Variants in CCR7 observed in about 807,000 individuals in gnomAD.
CCR7 encodes C-C motif chemokine receptor 7.
A neutral mutation model predicts 26.0 loss-of-function variants in CCR7; 11 were observed. The observed-to-expected ratio is 0.42, with a 90% CI of 0.27 to 0.70. CCR7 has a LOEUF of 0.70. Ranked by LOEUF, CCR7 falls within the 30% of genes least tolerant of loss-of-function variation. The pLI is 0.23. For synonymous variants in CCR7, 189 were observed against 202.1 expected, an observed-to-expected ratio of 0.94 and a Z score of 0.55; for missense variants, 360 against 504.0, an observed-to-expected ratio of 0.71 and a Z score of 2.74.
intron 1 of CCR7, among the ~76,000 whole-genome samples, chr17:40,559,914 A>AT (rs998550487): frequency 2.0e-5 from 3 of 151,764 alleles, no homozygotes; most frequent in South Asian, 4.2e-4. Flanking sequence ...CGACTTCTTT[A>AT]TTTTTTTGCT....
chr17:40,558,090 G>C (rs1367164500), intron 2 of CCR7, among the ~76,000 whole-genome samples: 1 of 152,192 alleles, frequency 6.6e-6, no homozygotes, highest in Admixed American at 6.5e-5. Context: ...TGCCCCTCTG[G>C]CCTCCAGACC....
At position 40,555,780 on chromosome 17, in the gene CCR7, G is replaced by A. The variant is rs1051078450; in HGVS notation, c.99C>T (p.Ile33=). ...LCQDEVTDDY[I]GDNTTVDYTL... is the part of the protein sequence containing the mutation. ...TGTAGTCCACTGTGGTGTTGTCTCCGATGTAATCGTCCGTGACCTCATCTT... is the reference window on the plus strand; with the variant it reads ...TGTAGTCCACTGTGGTGTTGTCTCCAATGTAATCGTCCGTGACCTCATCTT... The change falls in exon 3 of 3, where the codon ATC becomes ATT. Residue 33 remains isoleucine (I), a synonymous_variant. Coordinates refer to ENST00000246657, the MANE Select transcript of CCR7 (RefSeq NM_001838.4). The surrounding 1 kb of genome is among the most constrained non-coding windows in gnomAD (Gnocchi z 5.6). 2 of 1,614,078 alleles carry A rather than the reference G, an allele frequency of 1.2e-6. No homozygotes were observed. The highest frequency in any genetic ancestry group is 1.7e-6 in the Non-Finnish European group (2 of 1,179,980).
intron 1 of CCR7, among the ~76,000 whole-genome samples, chr17:40,563,224 A>G (rs2036672678): frequency 6.6e-6 from 1 of 152,174 alleles, no homozygotes; most frequent in Non-Finnish European, 1.5e-5. Flanking sequence ...GAATGTCCGA[A>G]GCAAAGAGGA....
rs771915374 is a variant in CCR7, at chr17:40,555,703, C to G, written c.176G>C (p.Trp59Ser). Residue 59 changes from tryptophan to serine, a missense_variant, in exon 3 of 3, where the codon TGG becomes TCG. Trp to Ser is a radical substitution (Grantham distance 177). Coordinates refer to ENST00000246657, the MANE Select transcript of CCR7 (RefSeq NM_001838.4). This position sits in a 1 kb window ranked among gnomAD's most constrained non-coding sequence, Gnocchi z 5.6. ...SKKDVRNFKA[W>S]FLPIMYSIIC... Reference sequence around the variant, plus strand: ...GATGGAGTACATGATAGGGAGGAACCAGGCTTTAAAGTTCCGCACGTCCTT... The same window carrying G: ...GATGGAGTACATGATAGGGAGGAACGAGGCTTTAAAGTTCCGCACGTCCTT... The G allele has an allele frequency of 6.2e-7, 1 of 1,614,120 alleles. No homozygotes were observed. The highest frequency in any genetic ancestry group is 1.1e-5 in the South Asian group (1 of 91,080).
At position 40,554,716 on chromosome 17, in the gene CCR7, C is replaced by G. The variant is rs962481343; in HGVS notation, c.*26G>C. ...CCACCCCAGGGACCCTGGGAGAGGT[C>G]CCTCTAGTCCAGGCAGAAGAGTCGC... On this transcript the variant is annotated 3_prime_UTR_variant, in exon 3 of 3. Transcript: ENST00000246657. The G allele has an allele frequency of 2.3e-5, 35 of 1,543,104 alleles. No individual in the cohort carries two copies. The highest frequency in any genetic ancestry group is 3.0e-5 in the Non-Finnish European group (34 of 1,137,896).
chr17:40,555,170 G>C lies in CCR7; in HGVS notation c.709C>G (p.Leu237Val), dbSNP rs1424948884. 2.5e-6 allele frequency: 4 copies of C among 1,614,218 alleles called. No individual in the cohort carries two copies. The East Asian group carries it at 8.9e-5, about 36-fold the overall frequency. The change falls in exon 3 of 3, where the codon CTG becomes GTG. Residue 237 changes from leucine (L) to valine (V), a missense_variant. By Grantham distance (32) the Leu-to-Val change is conservative. Coordinates refer to ENST00000246657, the MANE Select transcript of CCR7 (RefSeq NM_001838.4). The surrounding 1 kb of genome is among the most constrained non-coding windows in gnomAD (Gnocchi z 5.6). ...ACAAGGTAACAGAAGCTCATGGCCAGCAGGGGGACCAGAAAGCCGATCACC... is the reference window on the plus strand; with the variant it reads ...ACAAGGTAACAGAAGCTCATGGCCACCAGGGGGACCAGAAAGCCGATCACC... ...QMVIGFLVPL[L>V]AMSFCYLVII... is the part of the protein sequence containing the mutation.
intron 1 of CCR7, among the ~76,000 whole-genome samples, chr17:40,561,893 G>C (rs1415772042): frequency 1.3e-5 from 2 of 152,164 alleles, no homozygotes; most frequent in Non-Finnish European, 2.9e-5. Context: ...GCAGGGATGG[G>C]TGAGAGCCTG....
chr17:40,564,661 T>C (rs1180417895), intron 1 of CCR7, among the ~76,000 whole-genome samples: 1 of 152,146 alleles, frequency 6.6e-6, no homozygotes, highest in Non-Finnish European at 1.5e-5. Flanking sequence ...AGAGTAGAGT[T>C]ATCTGCCGGG....
In CCR7 at chr17:40,555,850, A is replaced by G. The variant is rs750684661; in HGVS notation, c.61-32T>C. ...GGAAGGAAATGAGGGAAAACAGGCC[A>G]GTTTAGCTGGGTGGCTCCAACTCTG... On this transcript the variant is annotated intron_variant, in intron 2 of 2. Coordinates refer to ENST00000246657, the MANE Select transcript of CCR7 (RefSeq NM_001838.4). The surrounding 1 kb of genome is among the most constrained non-coding windows in gnomAD (Gnocchi z 5.6). 5.8e-5 allele frequency: 88 copies of G among 1,504,576 alleles called. No individual in the cohort carries two copies. Among genetic ancestry groups the G allele is most frequent in the Non-Finnish European group, 6.8e-5 (74 of 1,087,964 alleles). 93.2% of individuals were successfully genotyped at this position (1,504,576 alleles called of 1,614,324 possible). A position where few individuals can be genotyped will look rare whatever the true frequency, so the allele number is the denominator to read the frequency against.
chr17:40,563,110 G>C (rs1273890183), intron 1 of CCR7, among the ~76,000 whole-genome samples: 5 of 152,046 alleles, frequency 3.3e-5, no homozygotes, highest in Non-Finnish European at 1.5e-5. Flanking sequence ...CCCTTGCCCT[G>C]GTCAATGCTG....
chr17:40,563,566 G>A (rs1018497289), intron 1 of CCR7, among the ~76,000 whole-genome samples: 4 of 152,068 alleles, frequency 2.6e-5, no homozygotes, highest in African/African-American at 9.7e-5. Context: ...CTTGCTCCTT[G>A]CTGGGCAGAT....
intron 1 of CCR7, chr17:40,560,893 A>T (rs1170248345): frequency 4.6e-5 from 7 of 152,232 alleles, no homozygotes; most frequent in Admixed American, 4.6e-4. Flanking sequence ...AGAGCTCCCC[A>T]CCGCTCATTC....
chr17:40,564,081 C>G (rs2036681545), intron 1 of CCR7, among the ~76,000 whole-genome samples: 2 of 149,514 alleles, frequency 1.3e-5, no homozygotes, highest in African/African-American at 4.9e-5. Flanking sequence ...GACGTCTGTA[C>G]TGTGGGATTG....
intron 2 of CCR7, among the ~76,000 whole-genome samples, chr17:40,556,390 G>C (rs1290629018): frequency 2.6e-5 from 4 of 152,210 alleles, no homozygotes. Flanking sequence ...TGGGGCCTGA[G>C]ATTCTACAGT....
intron 1 of CCR7, chr17:40,561,042 G>C (rs1222686605): frequency 1.3e-5 from 2 of 152,198 alleles, no homozygotes; most frequent in African/African-American, 2.4e-5. Context: ...TTTAAAACAC[G>C]TAAGTGTCTT....
chr17:40,563,102 C>T (rs1342213130), intron 1 of CCR7, among the ~76,000 whole-genome samples: 1 of 152,168 alleles, frequency 6.6e-6, no homozygotes, highest in Admixed American at 6.5e-5. Context: ...TTGTCTTGCC[C>T]TTGCCCTGGT....
At position 40,554,401 on chromosome 17, in the gene CCR7, CA is replaced by C; in HGVS notation, c.*340del. 3 of 270,128 alleles carry C rather than the reference CA, an allele frequency of 1.1e-5. No homozygotes were observed. Among genetic ancestry groups the C allele is most frequent in the South Asian group, 6.1e-5 (1 of 16,366 alleles). 16.7% of individuals were successfully genotyped at this position (270,128 alleles called of 1,614,324 possible). On this transcript the variant is annotated 3_prime_UTR_variant, in exon 3 of 3. Transcript: ENST00000246657. ...TTCAGAGGACTCTTCAGGCCACTCC[CA>C]CGCCCCTTGCACTCACCCTCCTTGG...
In CCR7 at chr17:40,555,629, T is replaced by C; in HGVS notation, c.250A>G (p.Ile84Val). 6.2e-7 allele frequency: 1 copy of C among 1,614,018 alleles called. No individual in the cohort carries two copies. Among genetic ancestry groups the C allele is most frequent in the Non-Finnish European group, 8.5e-7 (1 of 1,180,008 alleles). Reference sequence around the variant, plus strand: ...ATGGTCTTGAGCCTCTTGAAATAGATATAGGTCAACACGACCAGCCCATTG... The same window carrying C: ...ATGGTCTTGAGCCTCTTGAAATAGACATAGGTCAACACGACCAGCCCATTG... The part of the protein sequence containing the change: ...LGNGLVVLTY[I>V]YFKRLKTMTD... Residue 84 changes from isoleucine to valine, a missense_variant, in exon 3 of 3, where the codon ATC becomes GTC. Transcript: ENST00000246657. This position sits in a 1 kb window ranked among gnomAD's most constrained non-coding sequence, Gnocchi z 5.6.
At chr17:40,558,968 AT>A in intron 1 of CCR7, 26 bp from the exon 2 acceptor site, 1 of 1,594,122 alleles carries the variant, frequency 6.3e-7, no homozygotes, top group South Asian at 1.1e-5. Context: ...CGAGAAAGTT[AT>A]TGCTTGGCAG....
Sources: gnomAD v4.1 joint callset for allele counts (sites outside exome capture counted in the v4.1 genomes callset) on GRCh38, gnomAD v4.1.1 for gene constraint, Gnocchi (gnomAD v3.1) non-coding constraint, MANE v1.5 for transcripts, NCBI Gene and HGNC (gene_info 2026-07-23, HGNC 2026-07-21) for gene names.